LOC112694756: variants seen among roughly 807,000 people sequenced by gnomAD.
the LOC112694756 span, chr16:30,063,742 G>A: frequency 5.5e-5 from 22 of 399,184 alleles, no homozygotes; most frequent in Non-Finnish European, 8.4e-5. Flanking sequence ...TGGGCACCTC[G>A]CTGCCCCCGC....
At chr16:30,053,399 G>A in the LOC112694756 span, 1 of 152,776 alleles carries the variant, frequency 6.5e-6, no homozygotes, top group African/African-American at 2.4e-5. Context: ...GAAAGGGAAG[G>A]AGGGTGGGCA....
At chr16:30,063,936 C>G in the LOC112694756 span, 7 of 398,986 alleles carry the variant, frequency 1.8e-5, no homozygotes, top group African/African-American at 4.1e-5. Flanking sequence ...ACTGGAACCA[C>G]AGATGGCCTG....
the LOC112694756 span, chr16:30,067,173 C>T: frequency 1.2e-6 from 2 of 1,608,218 alleles, no homozygotes; most frequent in Non-Finnish European, 1.7e-6. Flanking sequence ...GGGCCCTGGT[C>T]ATCGGGAGAT....
chr16:30,064,362 G>A, the LOC112694756 span: 1 of 398,834 alleles, frequency 2.5e-6, no homozygotes, highest in East Asian at 3.6e-5. Context: ...TAGAGAAGGA[G>A]CCAGGGAGGG....
At chr16:30,067,275 A>C in the LOC112694756 span, 5 of 1,612,426 alleles carry the variant, frequency 3.1e-6, no homozygotes, top group Non-Finnish European at 4.2e-6. Context: ...AATATCCAGC[A>C]CTGACCCCGG....
At chr16:30,053,505 T>C in the LOC112694756 span, 49 of 153,086 alleles carry the variant, frequency 3.2e-4, no homozygotes, top group Non-Finnish European at 5.9e-4. Context: ...TGGACGTAAG[T>C]CCGGGCCCCT....
chr16:30,069,798 A>G, the LOC112694756 span: 1 of 1,613,762 alleles, frequency 6.2e-7, no homozygotes, highest in Non-Finnish European at 8.5e-7. Context: ...GTCTCTGACC[A>G]CAGCCCCTCT....
At chr16:30,060,326 A>T in the LOC112694756 span, among the ~76,000 whole-genome samples, 2 of 152,152 alleles carry the variant, frequency 1.3e-5, no homozygotes, top group African/African-American at 4.8e-5. Context: ...TGAAAAAATG[A>T]ATTAGCCAAG....
the LOC112694756 span, among the ~76,000 whole-genome samples, chr16:30,062,255 T>C: frequency 6.6e-6 from 1 of 151,924 alleles, no homozygotes; most frequent in African/African-American, 2.4e-5. Flanking sequence ...TAAAATTGAT[T>C]GGGCGCAGTG....
the LOC112694756 span, among the ~76,000 whole-genome samples, chr16:30,054,013 G>C: frequency 3.9e-5 from 6 of 152,058 alleles, no homozygotes; most frequent in Non-Finnish European, 8.8e-5. Context: ...GGGTGACAGA[G>C]TGAGACACTG....
At chr16:30,059,819 T>C in the LOC112694756 span, among the ~76,000 whole-genome samples, 10 of 151,674 alleles carry the variant, frequency 6.6e-5, no homozygotes, top group Admixed American at 3.3e-4. Flanking sequence ...TGCCTTGGCC[T>C]CCCAAAGTGC....
chr16:30,066,371 T>A, the LOC112694756 span: 1 of 153,266 alleles, frequency 6.5e-6, no homozygotes, highest in African/African-American at 2.4e-5. Flanking sequence ...CCTTAACACT[T>A]TCCCTGTCTC....
chr16:30,060,150 C>T, the LOC112694756 span, among the ~76,000 whole-genome samples: 199 of 150,976 alleles, frequency 1.3e-3, no homozygotes, highest in African/African-American at 4.5e-3. Flanking sequence ...AGCTAATTTT[C>T]GTATTTTTAA....
At chr16:30,068,857 AGGAC>A in the LOC112694756 span, 1 of 1,614,088 alleles carries the variant, frequency 6.2e-7, no homozygotes, top group Non-Finnish European at 8.5e-7. Context: ...CAGTACAAGA[AGGAC>A]GGAGCTGACT....
At chr16:30,068,998 A>G in the LOC112694756 span, 33 of 1,614,034 alleles carry the variant, frequency 2.0e-5, no homozygotes, top group Non-Finnish European at 2.6e-5. Flanking sequence ...CAGGTCCTCA[A>G]TAGGCAACCT....
At chr16:30,067,179 G>C in the LOC112694756 span, 10 of 1,609,836 alleles carry the variant, frequency 6.2e-6, no homozygotes, top group East Asian at 2.2e-4. Context: ...TGGTCATCGG[G>C]AGATGATGGG....
At chr16:30,066,838 T>C in the LOC112694756 span, 123 of 1,525,682 alleles carry the variant, frequency 8.1e-5, no homozygotes, top group Non-Finnish European at 1.0e-4. Context: ...TCTGCTTGAT[T>C]CACGATCTTT....
chr16:30,066,501 G>C, the LOC112694756 span, among the ~76,000 whole-genome samples: 3 of 152,236 alleles, frequency 2.0e-5, no homozygotes, highest in Admixed American at 2.0e-4. Flanking sequence ...GAACAGTGAC[G>C]ATGGCAAAGC....
the LOC112694756 span, chr16:30,069,600 G>C: frequency 6.2e-7 from 1 of 1,614,114 alleles, no homozygotes; most frequent in Non-Finnish European, 8.5e-7. Flanking sequence ...CTTGCACTCA[G>C]AAGTTTTCTC....
Sources: gnomAD v4.1 joint callset for allele counts (sites outside exome capture counted in the v4.1 genomes callset) on GRCh38, gnomAD v4.1.1 for gene constraint, MANE v1.5 for transcripts.